The following INTS9 variants were observed in gnomAD, a reference collection of about 807,000 sequenced individuals.
INTS9 encodes the protein protein related to CPSF subunits of 74 kDa.
Under a neutral mutation model 79.7 loss-of-function variants are expected in INTS9, and 55 were observed. The ratio of observed to expected loss-of-function variants is 0.69; its 90% CI spans 0.56 to 0.86. INTS9 has a LOEUF of 0.86. Among genes scored for constraint, INTS9 ranks in the 40% least tolerant of loss-of-function variants. INTS9 has a pLI of 0.00. For missense variants in INTS9, 721 were observed against 831.5 expected (o/e 0.87, Z 1.64); for synonymous variants, 319 against 325.2 (o/e 0.98, Z 0.20).
chr8:28,779,925 G>A (rs1044905477), intron 12 of INTS9, among the ~76,000 whole-genome samples: 1 of 152,122 alleles, frequency 6.6e-6, no homozygotes, highest in African/African-American at 2.4e-5. Flanking sequence ...CATGTGCCGG[G>A]TTCTGTGCCT....
rs747863717 is a variant in INTS9, at chr8:28,779,777, G to A, written c.1270+1046C>T. On this transcript the variant is annotated intron_variant, in intron 12 of 16. Transcript: ENST00000521022. ...AACCCAACTTGGTTTGACCACAGGC[G>A]TGTTCCTGGTGGCCTCTAGGTCACA... is the stretch of plus-strand genomic sequence containing the variant. Among the ~76,000 whole-genome samples, 27 of 152,304 alleles carry A rather than the reference G, an allele frequency of 1.8e-4. 1 individual carries two copies. Among genetic ancestry groups the A allele is most frequent in the Non-Finnish European group, 2.6e-4 (18 of 68,032 alleles).
intron 5 of INTS9, 72 bp downstream of exon 5, chr8:28,837,565 C>A: frequency 1.3e-6 from 2 of 1,486,212 alleles, no homozygotes; most frequent in East Asian, 2.5e-5. Flanking sequence ...TGGTATAATA[C>A]TGTGATAGCG....
chr8:28,884,357 G>GT (rs200863066), intron 1 of INTS9, among the ~76,000 whole-genome samples: 12 of 150,886 alleles, frequency 8.0e-5, no homozygotes, highest in East Asian at 1.9e-4. Context: ...CTAATTTTTA[G>GT]TTTTTTTTGT....
intron 9 of INTS9, among the ~76,000 whole-genome samples, chr8:28,795,418 G>A (rs1050633155): frequency 1.3e-5 from 2 of 152,096 alleles, no homozygotes; most frequent in East Asian, 3.9e-4. Context: ...GAGGCGGACG[G>A]ATCATGAGGT....
chr8:28,813,340 A>G (rs1158847802), intron 7 of INTS9, 152 bp downstream of exon 7: 4 of 758,950 alleles, frequency 5.3e-6, no homozygotes, highest in South Asian at 3.5e-5. Flanking sequence ...GCACCAATAA[A>G]ATCCTGCGCG....
chr8:28,796,752 G>T (rs957246191), intron 8 of INTS9, 97 bp from the exon 9 acceptor site: 2 of 792,668 alleles, frequency 2.5e-6, no homozygotes, highest in East Asian at 5.3e-5. Context: ...CTCTTTCTAC[G>T]TTTAACCCAT....
intron 1 of INTS9, among the ~76,000 whole-genome samples, chr8:28,862,746 A>C (rs1292435368): frequency 2.0e-5 from 3 of 152,248 alleles, no homozygotes; most frequent in Non-Finnish European, 2.9e-5. Context: ...CTGTACTGAA[A>C]TGCAGCTATC....
chr8:28,866,216 T>C (rs1392477936), intron 1 of INTS9, among the ~76,000 whole-genome samples: 2 of 152,218 alleles, frequency 1.3e-5, no homozygotes. Flanking sequence ...CACGATTTTC[T>C]GAAGTTCTTG....
At chr8:28,878,561 A>G (rs1345687467) in intron 1 of INTS9, among the ~76,000 whole-genome samples, 1 of 150,736 alleles carries the variant, frequency 6.6e-6, no homozygotes, top group Non-Finnish European at 1.5e-5. Flanking sequence ...AGCTCAAGTG[A>G]TCCTCCTGCC....
At chr8:28,774,745 T>C (rs1802768820) in intron 14 of INTS9, among the ~76,000 whole-genome samples, 1 of 152,106 alleles carries the variant, frequency 6.6e-6, no homozygotes, top group Non-Finnish European at 1.5e-5. Context: ...ATATTTCTTT[T>C]TCCTGTCTGT....
chr8:28,778,433 G>A (rs1189412649), intron 12 of INTS9, among the ~76,000 whole-genome samples: 1 of 152,222 alleles, frequency 6.6e-6, no homozygotes, highest in Non-Finnish European at 1.5e-5. Context: ...CTTCACAGTG[G>A]AGAGGCCTGG....
rs568038857 is a variant in INTS9 at position 28,867,318 on chromosome 8, C to G, written c.10-7755G>C. On this transcript the variant is annotated intron_variant, in intron 1 of 16. Transcript: ENST00000521022. The stretch of plus-strand genomic sequence containing the variant: ...CCTGTAATCCTAGCTACTTGGGAAG[C>G]TGAGGCAGGAGAATCGCTTGAACCC... 7.2e-5 allele frequency among the ~76,000 whole-genome samples: 11 copies of G among 152,254 alleles called. No individual in the cohort carries two copies. In the East Asian group the frequency reaches 2.1e-3, roughly 29 times the overall value.
intron 1 of INTS9, among the ~76,000 whole-genome samples, chr8:28,864,918 G>A (rs1285206393): frequency 1.3e-5 from 2 of 151,086 alleles, no homozygotes; most frequent in Non-Finnish European, 1.5e-5. Context: ...CCCAGGAGGC[G>A]GAGGTTGCAG....
intron 6 of INTS9, among the ~76,000 whole-genome samples, chr8:28,817,724 G>C (rs981212451): frequency 1.6e-5 from 2 of 122,634 alleles, no homozygotes; most frequent in African/African-American, 6.4e-5. Flanking sequence ...GGATGGCATT[G>C]AATCTATAAA....
intron 11 of INTS9, among the ~76,000 whole-genome samples, chr8:28,786,667 A>G (rs1323258232): frequency 6.6e-6 from 1 of 152,202 alleles, no homozygotes; most frequent in Admixed American, 6.5e-5. Flanking sequence ...TTAGGAACAA[A>G]ACTGCGGAGG....
intron 1 of INTS9, among the ~76,000 whole-genome samples, chr8:28,881,631 C>T (rs1809820977): frequency 8.8e-6 from 1 of 113,990 alleles, no homozygotes. Flanking sequence ...TGAGGGGCGC[C>T]TCTGCCCGGC....
chr8:28,837,330 A>C (rs1260097407), intron 5 of INTS9, among the ~76,000 whole-genome samples: 3 of 152,224 alleles, frequency 2.0e-5, no homozygotes, highest in Non-Finnish European at 4.4e-5. Context: ...TCTGCCTTGC[A>C]TCTTTGTGGC....
At chr8:28,793,058 T>C (rs780794768) in intron 10 of INTS9, among the ~76,000 whole-genome samples, 1 of 152,158 alleles carries the variant, frequency 6.6e-6, no homozygotes, top group Non-Finnish European at 1.5e-5. Context: ...GCAGCGTAAC[T>C]GAATATATCA....
At chr8:28,878,978 CAA>C (rs34599728) in intron 1 of INTS9, among the ~76,000 whole-genome samples, 397 of 143,408 alleles carry the variant, frequency 2.8e-3, no homozygotes, top group African/African-American at 8.4e-3. Flanking sequence ...GACTTCGTCT[CAA>C]AAAAAAAAAA....
Sources: gnomAD v4.1 joint callset for allele counts (sites outside exome capture counted in the v4.1 genomes callset) on GRCh38, gnomAD v4.1.1 for gene constraint, MANE v1.5 for transcripts, NCBI Gene and HGNC (gene_info 2026-07-23, HGNC 2026-07-21) for gene names.